The following PALS2 variants were observed in gnomAD, a reference collection of about 807,000 sequenced individuals.
PALS2 encodes the protein protein PALS2.
A neutral mutation model predicts 61.6 loss-of-function variants in PALS2; 27 were observed. The observed-to-expected ratio is 0.44, with a 90% confidence interval of 0.32 to 0.60. PALS2 has a LOEUF of 0.60. Ranked by LOEUF, PALS2 falls within the 20% of genes least tolerant of loss-of-function variation. The pLI is 0.05. For synonymous variants in PALS2, 236 were observed against 218.6 expected, an observed-to-expected ratio of 1.08 and a Z score of -0.70; for missense variants, 554 against 639.4, an observed-to-expected ratio of 0.87 and a Z score of 1.44.
At chr7:24,587,671 T>C (rs1783124718) in intron 1 of PALS2, among the ~76,000 whole-genome samples, 1 of 151,668 alleles carries the variant, frequency 6.6e-6, no homozygotes, top group South Asian at 2.1e-4. Flanking sequence ...GCCACCATGC[T>C]AAGTTTTGTG....
chr7:24,652,609 A>G (rs968671762), intron 5 of PALS2, among the ~76,000 whole-genome samples: 1 of 152,064 alleles, frequency 6.6e-6, no homozygotes, highest in Non-Finnish European at 1.5e-5. Flanking sequence ...TTTAAATGAA[A>G]AGGGGAACAT....
intron 1 of PALS2, among the ~76,000 whole-genome samples, chr7:24,577,263 CTTTTTTCCT>C (rs1374140513): frequency 2.8e-5 from 4 of 142,780 alleles, no homozygotes; most frequent in South Asian, 2.2e-4. Flanking sequence ...TTCTTTTTTC[CTTTTTTCCT>C]TTTTTTTTTT....
At chr7:24,636,127 G>T (rs375496319) in intron 2 of PALS2, among the ~76,000 whole-genome samples, 2 of 150,442 alleles carry the variant, frequency 1.3e-5, no homozygotes, top group African/African-American at 2.5e-5. Flanking sequence ...CAGGAGAATC[G>T]CTTGAACCCG....
chr7:24,676,614 A>T (rs888738164), intron 9 of PALS2, among the ~76,000 whole-genome samples: 2 of 152,068 alleles, frequency 1.3e-5, no homozygotes, highest in African/African-American at 4.8e-5. Flanking sequence ...TGGTCCCAGC[A>T]CCATTTATTA....
intron 5 of PALS2, among the ~76,000 whole-genome samples, chr7:24,661,148 G>A (rs963056008): frequency 6.6e-6 from 1 of 151,962 alleles, no homozygotes. Context: ...ACTTTAAATT[G>A]CATTTAATAA....
Position 24,635,526 on chromosome 7 carries a change from A to G in PALS2, c.118-6190A>G, listed in dbSNP as rs145517938. ...ACAGTTTTATTTCTTTTTAACCTGA[A>G]TGGCTTTTTTATTTTTCTTGCCTAA... On this transcript the variant is annotated intron_variant, in intron 2 of 11. Transcript: ENST00000222644. 2.6e-5 allele frequency among the ~76,000 whole-genome samples: 4 copies of G among 152,246 alleles called. No homozygotes were observed. In the South Asian group the frequency reaches 6.2e-4, roughly 24 times the overall value.
At chr7:24,585,131 A>G (rs1171571061) in intron 1 of PALS2, among the ~76,000 whole-genome samples, 3 of 152,106 alleles carry the variant, frequency 2.0e-5, no homozygotes, top group Non-Finnish European at 2.9e-5. Context: ...GCTTAGGATT[A>G]CCTTGGCAAT....
intron 1 of PALS2, among the ~76,000 whole-genome samples, chr7:24,578,047 G>T (rs545563408): frequency 1.3e-5 from 2 of 151,952 alleles, no homozygotes; most frequent in East Asian, 3.9e-4. Flanking sequence ...AGGCTCAAGT[G>T]ATCCTCCCAC....
chr7:24,623,706 G>A lies in PALS2; in HGVS notation c.39G>A (p.Ser13=), dbSNP rs377692746. 18 of 1,607,178 alleles carry A rather than the reference G, an allele frequency of 1.1e-5. No individual in the cohort carries two copies. Among genetic ancestry groups the A allele is most frequent in the Middle Eastern group, 1.7e-4 (1 of 6,056 alleles). Residue 13 remains serine (S), a synonymous_variant, in exon 2 of 12, where the codon TCG becomes TCA. Transcript: ENST00000222644. ...QVLENLTELP[S]STGAEEIDLI... ...TGGAAAACCTTACGGAGCTGCCCTC[G>A]TCTACTGGAGCAGAAGAAATAGACC...
intron 1 of PALS2, among the ~76,000 whole-genome samples, chr7:24,579,728 A>T (rs950969795): frequency 6.6e-6 from 1 of 152,220 alleles, no homozygotes; most frequent in Non-Finnish European, 1.5e-5. Context: ...TTATAGACCC[A>T]GTTCATAATT....
At chr7:24,663,834 A>C (rs561287286) in intron 6 of PALS2, 113 bp downstream of exon 6, 68 of 1,296,220 alleles carry the variant, frequency 5.2e-5, no homozygotes, top group Non-Finnish European at 7.0e-5. Context: ...GATTTTTCCC[A>C]CATGAACAGC....
At chr7:24,664,085 A>G (rs975597520) in intron 6 of PALS2, among the ~76,000 whole-genome samples, 3 of 152,146 alleles carry the variant, frequency 2.0e-5, no homozygotes, top group African/African-American at 7.2e-5. Flanking sequence ...GGAGACTTTT[A>G]CTGTGAAATA....
rs1040260724 is a variant in PALS2, at chr7:24,596,245, T to A, written c.-3+22652T>A. Among the ~76,000 whole-genome samples the A allele has an allele frequency of 2.6e-5, 4 of 152,070 alleles. No individual in the cohort carries two copies. Among genetic ancestry groups the A allele is most frequent in the Non-Finnish European group, 4.4e-5 (3 of 67,990 alleles). ...ACTACTGCAGCAGACAGGCAAGAAT[T>A]GATGGTGGCTTAGCGTAGGGGGATA... is the stretch of plus-strand genomic sequence containing the variant. On this transcript the variant is annotated intron_variant, in intron 1 of 11. Coordinates refer to ENST00000222644, the MANE Select transcript of PALS2 (RefSeq NM_001303037.2). The surrounding 1 kb of genome is among the most constrained non-coding windows in gnomAD (Gnocchi z 4.5).
Position 24,691,176 on chromosome 7 carries a change from T to G in PALS2, c.*3562T>G, listed in dbSNP as rs375058101. 15 of 152,060 alleles carry G rather than the reference T, an allele frequency of 9.9e-5. 1 individual carries two copies. The highest frequency in any genetic ancestry group is 7.2e-4 in the Admixed American group (11 of 15,276). 9.4% of individuals were successfully genotyped at this position (152,060 alleles called of 1,614,324 possible). A position where few individuals can be genotyped will look rare whatever the true frequency, so the allele number is the denominator to read the frequency against. Reference sequence around the variant, plus strand: ...TTATTTTGAATTGGCAAACTAAAGATAACAATTTTGAAAATTGCTCAAAAT... The same window carrying G: ...TTATTTTGAATTGGCAAACTAAAGAGAACAATTTTGAAAATTGCTCAAAAT... On this transcript the variant is annotated 3_prime_UTR_variant, in exon 12 of 12. Coordinates refer to ENST00000222644, the MANE Select transcript of PALS2 (RefSeq NM_001303037.2).
At chr7:24,663,823 T>C in intron 6 of PALS2, 102 bp downstream of exon 6, 3 of 1,388,504 alleles carry the variant, frequency 2.2e-6, no homozygotes, top group Non-Finnish European at 3.0e-6. Flanking sequence ...TTTGTTACAA[T>C]GATTTTTCCC....
In PALS2 at chr7:24,691,456, TATA is replaced by T. The variant is rs1419123189; in HGVS notation, c.*3846_*3848del. On this transcript the variant is annotated 3_prime_UTR_variant, in exon 12 of 12. Transcript: ENST00000222644. The stretch of plus-strand genomic sequence containing the variant: ...ATATATATATATATACAGCTATGTG[TATA>T]ATATGTAAAATTCTCCCAAAATGTA... 7.6e-5 allele frequency: 11 copies of T among 144,332 alleles called. No homozygotes were observed. In the East Asian group the frequency reaches 1.6e-3, roughly 21 times the overall value. 8.9% of individuals were successfully genotyped at this position (144,332 alleles called of 1,614,324 possible).
At chr7:24,588,688 A>G (rs1358956447) in intron 1 of PALS2, among the ~76,000 whole-genome samples, 2 of 152,224 alleles carry the variant, frequency 1.3e-5, no homozygotes, top group Admixed American at 1.3e-4. Flanking sequence ...TGCCATACGT[A>G]TAACAGCTAC....
chr7:24,607,462 ATCTCTCTC>A (rs149774477), intron 1 of PALS2, among the ~76,000 whole-genome samples: 2 of 148,416 alleles, frequency 1.3e-5, no homozygotes, highest in African/African-American at 2.5e-5. Flanking sequence ...ATGTATGTGT[ATCTCTCTC>A]TCTCTCTCTC....
intron 1 of PALS2, among the ~76,000 whole-genome samples, chr7:24,577,105 A>G (rs776859067): frequency 2.0e-5 from 3 of 152,298 alleles, no homozygotes; most frequent in African/African-American, 4.8e-5. Flanking sequence ...CTTAATTATG[A>G]TAGACTAATT....
Sources: allele counts gnomAD v4.1 joint callset (sites outside exome capture counted in the v4.1 genomes callset), GRCh38; gene constraint gnomAD v4.1.1; non-coding constraint Gnocchi (gnomAD v3.1); transcripts MANE v1.5; gene names NCBI Gene and HGNC (gene_info 2026-07-23, HGNC 2026-07-21).